EMP2: variants seen among roughly 807,000 people sequenced by gnomAD.
The protein encoded by EMP2 is epithelial membrane protein 2.
EMP2 carries 19 observed loss-of-function variants against 13.7 expected under a neutral mutation model. That is an observed-to-expected ratio of 1.38 (90% confidence interval 0.97 to 2.03). The LOEUF (loss-of-function observed/expected upper bound fraction) is 2.03, where lower values mean the gene tolerates loss of function less well. Among genes scored for constraint, EMP2 ranks in the 30% most tolerant of loss-of-function variants. The probability of loss-of-function intolerance (pLI) is 0.00; values close to 1 mark genes in which losing one functional copy is unlikely to be tolerated. For missense variants in EMP2, 253 were observed against 220.7 expected, an observed-to-expected ratio of 1.15 and a Z score of -0.93; for synonymous variants, 97 against 84.7, an observed-to-expected ratio of 1.15 and a Z score of -0.80.
chr16:10,574,446 C>A (rs1302434669), intron 1 of EMP2, among the ~76,000 whole-genome samples: 2 of 152,184 alleles, frequency 1.3e-5, no homozygotes, highest in Non-Finnish European at 2.9e-5. Context: ...CCCCCTCATC[C>A]CTCCCTGCTC....
chr16:10,550,604 T>C (rs779938384), intron 1 of EMP2, among the ~76,000 whole-genome samples: 1 of 152,212 alleles, frequency 6.6e-6, no homozygotes, highest in South Asian at 2.1e-4. Context: ...TGTCCCATCA[T>C]TGGTGATGCT....
At chr16:10,543,420 T>C (rs1399054462) in intron 3 of EMP2, 150 bp downstream of exon 3, 1 of 829,918 alleles carries the variant, frequency 1.2e-6, no homozygotes, top group Admixed American at 2.2e-5. Context: ...TGTCCTCCGC[T>C]CCAGCACACA....
Position 10,560,496 on chromosome 16 carries a change from G to A in EMP2, c.-60-12819C>T, listed in dbSNP as rs572868410. ...GCCAGGGCTCTAATCCCAGGCTTCC[G>A]ATCACTGTCCCCTTGCCCGTTCTTT... is the stretch of plus-strand genomic sequence containing the variant. On this transcript the variant is annotated intron_variant, in intron 1 of 4. Transcript: ENST00000359543. Among the ~76,000 whole-genome samples the A allele has an allele frequency of 2.9e-3, 442 of 152,324 alleles. 2 individuals are homozygous for A. The highest frequency in any genetic ancestry group is 9.0e-3 in the African/African-American group (374 of 41,568).
At chr16:10,565,279 G>C (rs1242526649) in intron 1 of EMP2, among the ~76,000 whole-genome samples, 1 of 152,202 alleles carries the variant, frequency 6.6e-6, no homozygotes, top group African/African-American at 2.4e-5. Context: ...CAATGTTTCT[G>C]TGAAGGTGCT....
intron 1 of EMP2, among the ~76,000 whole-genome samples, chr16:10,560,781 C>T (rs2050865851): frequency 6.6e-6 from 1 of 152,068 alleles, no homozygotes; most frequent in African/African-American, 2.4e-5. Context: ...GAGAGGGTGT[C>T]ACAGGCAAGG....
rs1437605239 is a variant in EMP2, at chr16:10,543,644, T to C, written c.95A>G (p.Asp32Gly). ...ATVDNAWWVG[D>G]EFFADVWRIC... Reference sequence around the variant, plus strand: ...TCTCCAGACATCTGCAAAAAACTCATCTCCTACCCACCAGGCCTGTAACAC... The same window carrying C: ...TCTCCAGACATCTGCAAAAAACTCACCTCCTACCCACCAGGCCTGTAACAC... Residue 32 changes from aspartate to glycine, a missense_variant, in exon 3 of 5, where the codon GAT (aspartate) becomes GGT (glycine). Transcript: ENST00000359543. The C allele has an allele frequency of 1.2e-6, 2 of 1,614,028 alleles. No homozygotes were observed. The highest frequency in any genetic ancestry group is 1.1e-5 in the South Asian group (1 of 91,086).
chr16:10,572,018 G>T (rs535849808), intron 1 of EMP2, among the ~76,000 whole-genome samples: 1 of 152,300 alleles, frequency 6.6e-6, no homozygotes, highest in East Asian at 1.9e-4. Flanking sequence ...AGGACTCAAG[G>T]CTCCCTGGCC....
intron 3 of EMP2, among the ~76,000 whole-genome samples, chr16:10,541,101 AAAAAG>A (rs942547149): frequency 8.5e-5 from 13 of 152,090 alleles, no homozygotes; most frequent in Non-Finnish European, 1.8e-4. Context: ...CGGAAAAAAA[AAAAAG>A]AAAATAGATT....
intron 1 of EMP2, among the ~76,000 whole-genome samples, chr16:10,553,391 C>G (rs975965883): frequency 2.0e-5 from 3 of 152,206 alleles, no homozygotes; most frequent in Admixed American, 1.3e-4. Context: ...GCCCCTCACT[C>G]ATCTCTTCAC....
intron 1 of EMP2, among the ~76,000 whole-genome samples, chr16:10,570,417 G>C (rs997488947): frequency 7.2e-5 from 11 of 151,966 alleles, no homozygotes; most frequent in Admixed American, 7.2e-4. Flanking sequence ...TATTTTTTGA[G>C]ACAGAGTCTT....
intron 1 of EMP2, among the ~76,000 whole-genome samples, chr16:10,551,752 C>T (rs555290811): frequency 2.6e-5 from 4 of 152,108 alleles, no homozygotes; most frequent in East Asian, 1.9e-4. Context: ...ACCAACTATT[C>T]CCCCTCCTCT....
intron 1 of EMP2, chr16:10,576,906 C>T (rs2050987694): frequency 6.6e-6 from 1 of 152,342 alleles, no homozygotes; most frequent in African/African-American, 2.4e-5. Flanking sequence ...GGTTCAACAG[C>T]TTTGCCCGGG....
intron 3 of EMP2, among the ~76,000 whole-genome samples, chr16:10,543,114 G>A (rs139158689): frequency 1.4e-3 from 216 of 152,266 alleles, no homozygotes; most frequent in African/African-American, 4.5e-3. Flanking sequence ...CCAAAGTGCT[G>A]GGATTACAGG....
In EMP2 at chr16:10,537,967, C is replaced by A; in HGVS notation, c.277G>T (p.Glu93Ter). ...ATGATGGAGGTTAGGACAAACCTCT[C>A]TCCCTGCTTCAGGCGGAAGAGCTGG... ...VLQLFRLKQG[E>*]RFVLTSIIQL... Residue 93 changes from glutamate to a stop codon, truncating the protein, a stop_gained, in exon 4 of 5, where the codon GAG (glutamate) becomes TAG (stop). Transcript: ENST00000359543. LOFTEE classifies it low-confidence loss of function (END_TRUNC). 6.2e-7 allele frequency: 1 copy of A among 1,614,158 alleles called. No individual in the cohort carries two copies. Among genetic ancestry groups the A allele is most frequent in the South Asian group, 1.1e-5 (1 of 91,080 alleles).
chr16:10,538,221 A>AGGGCAGCCAAGGCGTCTTCCAGACCCC, intron 3 of EMP2, 147 bp from the exon 4 acceptor site: 2 of 912,834 alleles, frequency 2.2e-6, no homozygotes, highest in Non-Finnish European at 3.3e-6. Flanking sequence ...TCTGAGCACA[A>AGGGCAGCCAAGGCGTCTTCCAGACCCC]GGGCAGCCAA....
intron 1 of EMP2, among the ~76,000 whole-genome samples, chr16:10,561,879 A>C (rs144146031): frequency 1.1e-4 from 16 of 152,324 alleles, no homozygotes; most frequent in African/African-American, 3.8e-4. Flanking sequence ...CTAGACTTTT[A>C]TTTAAAATCT....
At chr16:10,549,301 G>T (rs1163038738) in intron 1 of EMP2, among the ~76,000 whole-genome samples, 3 of 152,196 alleles carry the variant, frequency 2.0e-5, no homozygotes, top group East Asian at 3.8e-4. Context: ...TGTCATGGGA[G>T]ATCAGATGAA....
At chr16:10,549,713 A>ACGCG (rs202226206) in intron 1 of EMP2, among the ~76,000 whole-genome samples, 45 of 84,126 alleles carry the variant, frequency 5.3e-4, no homozygotes, top group African/African-American at 2.3e-3. Context: ...GGATTAATGC[A>ACGCG]CGCACACACA....
Position 10,550,988 on chromosome 16 carries a change from T to C in EMP2, c.-60-3311A>G, listed in dbSNP as rs1016993712. ...AGATTCCATCTCAAAAAAAAAAAAA[T>C]TGTAGAAGTGATATTTGATAAAATA... On this transcript the variant is annotated intron_variant, in intron 1 of 4. Coordinates refer to ENST00000359543, the MANE Select transcript of EMP2 (RefSeq NM_001424.6). Among the ~76,000 whole-genome samples the C allele has an allele frequency of 3.6e-5, 5 of 140,208 alleles. No homozygotes were observed. The East Asian group carries it at 6.2e-4, about 17-fold the overall frequency. 92.0% of individuals were successfully genotyped at this position (140,208 alleles called of 152,430 possible). A position where few individuals can be genotyped will look rare whatever the true frequency, so the allele number is the denominator to read the frequency against.
Sources: gnomAD v4.1 joint callset for allele counts (sites outside exome capture counted in the v4.1 genomes callset) on GRCh38, gnomAD v4.1.1 for gene constraint, MANE v1.5 for transcripts, NCBI Gene and HGNC (gene_info 2026-07-23, HGNC 2026-07-21) for gene names.